DLC1: variants seen among roughly 807,000 people sequenced by gnomAD.
DLC1 encodes DLC1 Rho GTPase activating protein.
Under a neutral mutation model 140.3 loss-of-function variants are expected in DLC1, and 54 were observed. That is an observed-to-expected ratio of 0.38 (90% CI 0.31 to 0.48). DLC1 has a LOEUF of 0.48. Ranked by LOEUF, DLC1 falls within the 20% of genes least tolerant of loss-of-function variation. DLC1 has a pLI of 0.96. For synonymous variants in DLC1, 986 were observed against 728.1 expected (o/e 1.35, Z -5.70); for missense variants, 2,536 against 1,907.0 (o/e 1.33, Z -6.14).
chr8:13,511,429 C>G (rs7006564), intron 1 of DLC1, among the ~76,000 whole-genome samples: 11,909 of 152,126 alleles, frequency 0.078, 668 homozygotes, highest in East Asian at 0.17. Context: ...CCTCAAGGTC[C>G]TAGTTTATTC....
At chr8:13,594,041 T>A (rs1805607030) in intron 1 of DLC1, among the ~76,000 whole-genome samples, 1 of 152,006 alleles carries the variant, frequency 6.6e-6, no homozygotes. Flanking sequence ...ATGCCTGTGG[T>A]CCTAGCTAGT....
chr8:13,588,744 A>G (rs1034845608), intron 1 of DLC1, among the ~76,000 whole-genome samples: 12 of 152,130 alleles, frequency 7.9e-5, no homozygotes, highest in African/African-American at 2.9e-4. Context: ...CTCAAAGACT[A>G]AAGATATAGG....
chr8:13,567,895 C>G, intron 1 of DLC1: 1 of 1,551,992 alleles, frequency 6.4e-7, no homozygotes, highest in Non-Finnish European at 8.7e-7. Context: ...TCTGCCATTT[C>G]TCAAGCGACT....
intron 5 of DLC1, among the ~76,000 whole-genome samples, chr8:13,139,534 C>T (rs1056998165): frequency 2.0e-5 from 3 of 152,166 alleles, no homozygotes; most frequent in Admixed American, 6.5e-5. Context: ...CTGTTAATAG[C>T]GCTCTGTAAG....
chr8:13,447,302 A>T (rs1798820477), intron 2 of DLC1, among the ~76,000 whole-genome samples: 1 of 152,194 alleles, frequency 6.6e-6, no homozygotes, highest in Admixed American at 6.5e-5. Flanking sequence ...GTTCACTGTT[A>T]ATATTACATA....
intron 5 of DLC1, among the ~76,000 whole-genome samples, chr8:13,168,759 C>T (rs1313198915): frequency 6.6e-6 from 1 of 152,168 alleles, no homozygotes; most frequent in East Asian, 1.9e-4. Context: ...AACCGATTAT[C>T]GACAGGCATT....
At chr8:13,256,232 C>T (rs952488284) in intron 5 of DLC1, among the ~76,000 whole-genome samples, 3 of 152,142 alleles carry the variant, frequency 2.0e-5, no homozygotes, top group Admixed American at 6.5e-5. Context: ...GTTGTTACTA[C>T]GTAACTCAAG....
chr8:13,382,257 C>T (rs1836298000), intron 4 of DLC1, among the ~76,000 whole-genome samples: 1 of 151,804 alleles, frequency 6.6e-6, no homozygotes, highest in African/African-American at 2.4e-5. Flanking sequence ...CCTGTAATCC[C>T]AGCACTTTGG....
In DLC1 at chr8:13,470,697, A is replaced by G. The variant is rs771285623; in HGVS notation, c.1023+28352T>C. 4.0e-4 allele frequency among the ~76,000 whole-genome samples: 61 copies of G among 152,358 alleles called. 1 individual carries two copies. In the Middle Eastern group the frequency reaches 0.014, roughly 34 times the overall value. ...CATATGGAAAAAAGTATAGCCATATAGCCATATGGAAAACAGTATGGAGGT... is the reference window on the plus strand; with the variant it reads ...CATATGGAAAAAAGTATAGCCATATGGCCATATGGAAAACAGTATGGAGGT... On this transcript the variant is annotated intron_variant, in intron 2 of 17. Transcript: ENST00000276297.
At chr8:13,189,667 GA>G (rs1826629583) in intron 5 of DLC1, among the ~76,000 whole-genome samples, 3 of 152,190 alleles carry the variant, frequency 2.0e-5, no homozygotes, top group African/African-American at 7.2e-5. Context: ...TGGGTCACCT[GA>G]GGTTAGGAGT....
intron 4 of DLC1, among the ~76,000 whole-genome samples, chr8:13,327,588 G>A (rs948245479): frequency 5.3e-4 from 80 of 151,860 alleles, no homozygotes; most frequent in African/African-American, 1.9e-3. Flanking sequence ...TCATTGTTAG[G>A]ATTATAGGCT....
chr8:13,388,455 G>C (rs1039978214), intron 4 of DLC1, among the ~76,000 whole-genome samples: 1 of 151,846 alleles, frequency 6.6e-6, no homozygotes, highest in African/African-American at 2.4e-5. Flanking sequence ...TGCATTTGTG[G>C]TTTCTGTGTT....
At chr8:13,229,685 C>T (rs1380072900) in intron 5 of DLC1, among the ~76,000 whole-genome samples, 1 of 151,874 alleles carries the variant, frequency 6.6e-6, no homozygotes, top group African/African-American at 2.4e-5. Context: ...AGAGAGACTT[C>T]TTTTTCTTGG....
At chr8:13,492,827 C>A (rs1212683825) in intron 2 of DLC1, among the ~76,000 whole-genome samples, 1 of 152,154 alleles carries the variant, frequency 6.6e-6, no homozygotes, top group Non-Finnish European at 1.5e-5. Flanking sequence ...ATTTATTTGT[C>A]ATGAGACGAT....
intron 5 of DLC1, among the ~76,000 whole-genome samples, chr8:13,167,759 A>G (rs923060032): frequency 2.6e-5 from 4 of 152,234 alleles, no homozygotes; most frequent in Non-Finnish European, 4.4e-5. Context: ...TTTGATCCAT[A>G]CAGTCTTGCA....
At position 13,227,697 on chromosome 8, in the gene DLC1, C is replaced by G. The variant is rs151165780; in HGVS notation, c.1348+77572G>C. On this transcript the variant is annotated intron_variant, in intron 5 of 17. Coordinates refer to ENST00000276297, the MANE Select transcript of DLC1 (RefSeq NM_182643.3). Reference sequence around the variant, plus strand: ...TTCAGGGGGTTAGACATACGTGTTGCAAGACATGACGAAAGATAAATTAAG... The same window carrying G: ...TTCAGGGGGTTAGACATACGTGTTGGAAGACATGACGAAAGATAAATTAAG... Among the ~76,000 whole-genome samples the G allele has an allele frequency of 2.1e-3, 321 of 152,204 alleles. 2 individuals are homozygous for G. Among genetic ancestry groups the G allele is most frequent in the African/African-American group, 7.5e-3 (311 of 41,526 alleles).
chr8:13,586,593 AC>A (rs2117459428), intron 1 of DLC1, among the ~76,000 whole-genome samples: 1 of 72,182 alleles, frequency 1.4e-5, no homozygotes, highest in African/African-American at 4.7e-5. Context: ...GCACATGCAC[AC>A]ACACACACAC....
intron 5 of DLC1, among the ~76,000 whole-genome samples, chr8:13,147,684 G>A (rs62493043): frequency 6.6e-6 from 1 of 151,286 alleles, no homozygotes; most frequent in Non-Finnish European, 1.5e-5. Context: ...TTTTTTTTTG[G>A]CTAGCCACAG....
At chr8:13,106,751 T>C (rs533485298) in intron 7 of DLC1, among the ~76,000 whole-genome samples, 5 of 152,372 alleles carry the variant, frequency 3.3e-5, no homozygotes, top group Non-Finnish European at 5.9e-5. Flanking sequence ...AAGTGAATAC[T>C]GCAGGTGACA....
Sources: gnomAD v4.1 joint callset for allele counts (sites outside exome capture counted in the v4.1 genomes callset) on GRCh38, gnomAD v4.1.1 for gene constraint, MANE v1.5 for transcripts, NCBI Gene and HGNC (gene_info 2026-07-23, HGNC 2026-07-21) for gene names.